GABRA6: variants seen among roughly 807,000 people sequenced by gnomAD.
GABRA6 encodes gamma-aminobutyric acid type A receptor subunit alpha6, also known as gamma-aminobutyric acid receptor subunit alpha-6.
Under a neutral mutation model 47.3 loss-of-function variants are expected in GABRA6, and 45 were observed. The ratio of observed to expected loss-of-function variants is 0.95; its 90% CI spans 0.75 to 1.22. GABRA6 has a LOEUF of 1.22. Among genes scored for constraint, GABRA6 ranks in the 50% most tolerant of loss-of-function variants. The pLI is 0.00. For synonymous variants in GABRA6, 219 were observed against 194.7 expected (o/e 1.12, Z -1.04); for missense variants, 583 against 549.3 (o/e 1.06, Z -0.61).
intron 8 of GABRA6, among the ~76,000 whole-genome samples, chr5:161,694,134 T>G (rs1754848029): frequency 3.3e-5 from 5 of 152,100 alleles, no homozygotes; most frequent in Admixed American, 2.6e-4. Flanking sequence ...TTTCTGAGAA[T>G]TTTTTCATAT....
Position 161,697,907 on chromosome 5 carries a change from A to G in GABRA6, c.1087-3591A>G, listed in dbSNP as rs1039514591. Among the ~76,000 whole-genome samples the G allele has an allele frequency of 1.4e-4, 21 of 152,318 alleles. 1 individual carries two copies. Among genetic ancestry groups the G allele is most frequent in the African/African-American group, 4.1e-4 (17 of 41,570 alleles). On this transcript the variant is annotated intron_variant, in intron 8 of 8. Transcript: ENST00000274545. ...ATCTATCAAATGAAGATAATATGAC[A>G]TTGTGGATTTTTTGAAGAAATTCGT... is the stretch of plus-strand genomic sequence containing the variant.
Position 161,691,927 on chromosome 5 carries a change from C to CT in GABRA6, c.827-8dup. 3 of 1,611,034 alleles carry CT rather than the reference C, an allele frequency of 1.9e-6. No homozygotes were observed. Among genetic ancestry groups the CT allele is most frequent in the Non-Finnish European group, 1.7e-6 (2 of 1,177,494 alleles). Reference sequence around the variant, plus strand: ...CAGTACTAATATTACAATTCCTATTCTTTTTTATTTTAGGGATCACCACTG... The same window carrying CT: ...CAGTACTAATATTACAATTCCTATTCTTTTTTTATTTTAGGGATCACCACTG... On this transcript the variant is annotated splice_polypyrimidine_tract_variant and intron_variant, in intron 7 of 8. Transcript: ENST00000274545.
At chr5:161,692,271 A>G (rs1011807163) in intron 8 of GABRA6, 71 bp downstream of exon 8, 40 of 1,568,988 alleles carry the variant, frequency 2.5e-5, no homozygotes, top group Non-Finnish European at 3.3e-5. Context: ...AGAAACAACG[A>G]AAGTGTCCAA....
Position 161,690,206 on chromosome 5 carries a change from T to A in GABRA6, c.679T>A (p.Tyr227Asn). Residue 227 changes from tyrosine to asparagine, a missense_variant, in exon 7 of 9, where the codon TAC (tyrosine) becomes AAC (asparagine). Physicochemically the swap from Tyr to Asn is moderately radical, Grantham distance 143 (BLOSUM62 -2). Coordinates refer to ENST00000274545, the MANE Select transcript of GABRA6 (RefSeq NM_000811.3). The part of the protein sequence containing the change: ...SETIKSNTGE[Y>N]VIMTVYFHLQ... Reference sequence around the variant, plus strand: ...ATGTATGTGTCTTCCAACAGGTGAATACGTTATAATGACAGTTTACTTCCA... The same window carrying A: ...ATGTATGTGTCTTCCAACAGGTGAAAACGTTATAATGACAGTTTACTTCCA... The A allele has an allele frequency of 6.2e-7, 1 of 1,613,590 alleles. No individual in the cohort carries two copies. The highest frequency in any genetic ancestry group is 8.5e-7 in the Non-Finnish European group (1 of 1,179,606).
Position 161,689,275 on chromosome 5 carries a change from T to G in GABRA6, c.468T>G (p.Cys156Trp). The G allele has an allele frequency of 6.2e-7, 1 of 1,614,076 alleles. No individual in the cohort carries two copies. Among genetic ancestry groups the G allele is most frequent in the Admixed American group, 1.7e-5 (1 of 60,024 alleles). The change falls in exon 5 of 9, where the codon TGT (cysteine) becomes TGG (tryptophan). Residue 156 changes from cysteine to tryptophan, a missense_variant. Physicochemically the swap from Cys to Trp is radical, Grantham distance 215. Coordinates refer to ENST00000274545, the MANE Select transcript of GABRA6 (RefSeq NM_000811.3). ...CTAGGCTTACCATCAATGCTGACTGTCCCATGAGGCTGGTTAACTTTCCTA... is the reference window on the plus strand; with the variant it reads ...CTAGGCTTACCATCAATGCTGACTGGCCCATGAGGCTGGTTAACTTTCCTA... ...YTMRLTINAD[C>W]PMRLVNFPMD...
At position 161,692,005 on chromosome 5, in the gene GABRA6, G is replaced by A. The variant is rs775866495; in HGVS notation, c.891G>A (p.Val297=). 1 of 1,614,072 alleles carries A rather than the reference G, an allele frequency of 6.2e-7. No homozygotes were observed. Among genetic ancestry groups the A allele is most frequent in the Non-Finnish European group, 8.5e-7 (1 of 1,179,988 alleles). The change falls in exon 8 of 9, where the codon GTG becomes GTA. Residue 297 remains valine, a synonymous_variant. Transcript: ENST00000274545. ...GTGCCCGGCACTCTTTGCCAAAAGT[G>A]TCATATGCCACTGCCATGGATTGGT... is the stretch of plus-strand genomic sequence containing the variant. The part of the protein sequence containing the change: ...SISARHSLPK[V]SYATAMDWFI...
chr5:161,695,524 CCT>C (rs1754871972), intron 8 of GABRA6, among the ~76,000 whole-genome samples: 1 of 151,864 alleles, frequency 6.6e-6, no homozygotes, highest in Non-Finnish European at 1.5e-5. Context: ...TATACCTGTA[CCT>C]ATACTGTGTG....
intron 8 of GABRA6, among the ~76,000 whole-genome samples, chr5:161,695,461 TAGAG>T (rs1042576745): frequency 6.6e-6 from 1 of 152,098 alleles, no homozygotes; most frequent in African/African-American, 2.4e-5. Context: ...ACCTTAATAT[TAGAG>T]AGTTACTTAT....
At chr5:161,692,390 T>A (rs1283127872) in intron 8 of GABRA6, among the ~76,000 whole-genome samples, 190 bp downstream of exon 8, 3 of 152,216 alleles carry the variant, frequency 2.0e-5, no homozygotes, top group African/African-American at 7.2e-5. Flanking sequence ...CATTTATCTT[T>A]GCTGTAAACT....
At position 161,687,612 on chromosome 5, in the gene GABRA6, G is replaced by T. The variant is rs182333922; in HGVS notation, c.225+609G>T. 3.0e-3 allele frequency: 1,335 copies of T among 443,240 alleles called. 12 individuals are homozygous for T. Among genetic ancestry groups the T allele is most frequent in the South Asian group, 3.9e-3 (240 of 62,222 alleles). The allele number at this position is 443,240 out of a possible 1,614,324, so 27.5% of individuals were successfully genotyped here. ...CATCTTTTAGAACAAAGTGTATCAT[G>T]GTATTCTTTTACGGTTCTCAGGTGG... On this transcript the variant is annotated intron_variant, in intron 3 of 8. Coordinates refer to ENST00000274545, the MANE Select transcript of GABRA6 (RefSeq NM_000811.3).
At position 161,689,294 on chromosome 5, in the gene GABRA6, T is replaced by C. The variant is rs771515807; in HGVS notation, c.487T>C (p.Phe163Leu). ...NADCPMRLVN[F>L]PMDGHACPLK... ...TGACTGTCCCATGAGGCTGGTTAAC[T>C]TTCCTATGGATGGGCATGCTTGTCC... The change falls in exon 5 of 9, where the codon TTT (phenylalanine) becomes CTT (leucine). Residue 163 changes from phenylalanine (F) to leucine (L), a missense_variant. Phe to Leu is a conservative substitution (Grantham distance 22). Transcript: ENST00000274545. 8 of 1,614,104 alleles carry C rather than the reference T, an allele frequency of 5.0e-6. No individual in the cohort carries two copies. The South Asian group carries it at 5.5e-5, about 11-fold the overall frequency.
chr5:161,700,470 G>A (rs148288510), intron 8 of GABRA6, among the ~76,000 whole-genome samples: 7 of 152,246 alleles, frequency 4.6e-5, no homozygotes, highest in East Asian at 3.9e-4. Context: ...AGACACCAAC[G>A]GCATGAAAGG....
chr5:161,685,733 C>T lies in GABRA6; in HGVS notation c.-257C>T, dbSNP rs1754679719. On this transcript the variant is annotated 5_prime_UTR_variant, in exon 1 of 9. Coordinates refer to ENST00000274545, the MANE Select transcript of GABRA6 (RefSeq NM_000811.3). ...TCCCAACTGAGTCAGTCAGAGGAGC[C>T]TGGGTGTCTGCAGGACATAATCTAA... The T allele has an allele frequency of 1.8e-6, 1 of 569,684 alleles. No homozygotes were observed. The highest frequency in any genetic ancestry group is 1.9e-5 in the African/African-American group (1 of 53,192). The allele number at this position is 569,684 out of a possible 1,614,324, so 35.3% of individuals were successfully genotyped here.
chr5:161,692,200 G>A lies in GABRA6; in HGVS notation c.1086G>A (p.Leu362=). 1 of 1,614,128 alleles carries A rather than the reference G, an allele frequency of 6.2e-7. No homozygotes were observed. Among genetic ancestry groups the A allele is most frequent in the Non-Finnish European group, 8.5e-7 (1 of 1,180,024 alleles). The change falls in exon 8 of 9, where the codon TTG becomes TTA. Residue 362 remains leucine, a splice_region_variant and synonymous_variant. Coordinates refer to ENST00000274545, the MANE Select transcript of GABRA6 (RefSeq NM_000811.3). ...ATEPLEAEIV[L]HPDSKYHLKK... is the part of the protein sequence containing the mutation. The stretch of plus-strand genomic sequence containing the variant: ...AACCTTTGGAAGCTGAGATTGTTTT[G>A]GTAATTGTTTACTTTTTCTATCATT...
chr5:161,689,774 A>T lies in GABRA6; in HGVS notation c.668A>T (p.Asn223Ile). The T allele has an allele frequency of 6.2e-7, 1 of 1,612,958 alleles. No individual in the cohort carries two copies. The highest frequency in any genetic ancestry group is 8.5e-7 in the Non-Finnish European group (1 of 1,179,032). The stretch of plus-strand genomic sequence containing the variant: ...GTATCTAGTGAGACAATTAAATCTA[A>T]CACAGGTAAGAATTTGACCAAAGGA... ...QTVSSETIKSNTGEYVIMTVY... is the reference protein window; with the variant it reads ...QTVSSETIKSITGEYVIMTVY... The change falls in exon 6 of 9, where the codon AAC becomes ATC. Residue 223 changes from asparagine (N) to isoleucine (I), a missense_variant. Transcript: ENST00000274545.
At chr5:161,691,269 T>G (rs1754782253) in intron 7 of GABRA6, among the ~76,000 whole-genome samples, 1 of 149,610 alleles carries the variant, frequency 6.7e-6, no homozygotes, top group African/African-American at 2.4e-5. Flanking sequence ...GAAATTCAAG[T>G]TTTTTTTCTT....
rs1754685410 is a variant in GABRA6, at chr5:161,686,036, G to A, written c.38+9G>A. 8.7e-6 allele frequency: 14 copies of A among 1,613,118 alleles called. No homozygotes were observed. Among genetic ancestry groups the A allele is most frequent in the Non-Finnish European group, 1.2e-5 (14 of 1,179,118 alleles). The stretch of plus-strand genomic sequence containing the variant: ...CTGTGCATTATTCTGTGGTGAGTAA[G>A]ATCCTTTTTCCTGATTTTTCTTTTT... On this transcript the variant is annotated intron_variant, in intron 1 of 8. Transcript: ENST00000274545.
intron 5 of GABRA6, 35 bp from the exon 6 acceptor site, chr5:161,689,601 T>C: frequency 6.4e-7 from 1 of 1,567,200 alleles, no homozygotes; most frequent in Non-Finnish European, 8.8e-7. Flanking sequence ...ACTCGTCAAA[T>C]TCACTGCTAT....
chr5:161,687,644 T>C, intron 3 of GABRA6: 1 of 376,746 alleles, frequency 2.7e-6, no homozygotes, highest in Admixed American at 3.0e-5. Flanking sequence ...GTGGCATTTC[T>C]CTCTAAAACG....
Sources: allele counts gnomAD v4.1 joint callset (sites outside exome capture counted in the v4.1 genomes callset), GRCh38; gene constraint gnomAD v4.1.1; transcripts MANE v1.5; gene names NCBI Gene and HGNC (gene_info 2026-07-23, HGNC 2026-07-21).